ABCA12: variants seen among roughly 807,000 people sequenced by gnomAD.
ABCA12 encodes the protein glucosylceramide transporter ABCA12.
In ABCA12, 156 loss-of-function variants were observed where a neutral mutation model predicts 293.5. The observed-to-expected ratio is 0.53, with a 90% CI of 0.47 to 0.61. ABCA12 has a LOEUF of 0.61. ABCA12 is among the 20% of genes least tolerant of loss of function. ABCA12 has a pLI of 0.00. For synonymous variants in ABCA12, 1,063 were observed against 1,108.0 expected (o/e 0.96, Z 0.81); for missense variants, 2,797 against 3,090.2 (o/e 0.91, Z 2.25).
At chr2:214,939,723 G>A (rs1698334923) in intron 50 of ABCA12, among the ~76,000 whole-genome samples, 1 of 152,086 alleles carries the variant, frequency 6.6e-6, no homozygotes, top group East Asian at 1.9e-4. Flanking sequence ...TCTCTTTGTA[G>A]CAATTGTGAA....
At chr2:215,066,990 T>C (rs190587842) in intron 2 of ABCA12, among the ~76,000 whole-genome samples, 29 of 152,288 alleles carry the variant, frequency 1.9e-4, no homozygotes, top group Non-Finnish European at 3.7e-4. Context: ...CTCATATACA[T>C]GAACTTTAAA....
At chr2:214,993,852 G>A (rs1831025) in intron 23 of ABCA12, among the ~76,000 whole-genome samples, 152,187 of 152,308 alleles carry the variant, frequency 1, 76,034 homozygotes, top group Middle Eastern at 1. Flanking sequence ...TCATTCATAG[G>A]CTTGTTAAAA....
At chr2:214,963,457 T>TG (rs1236185752) in intron 39 of ABCA12, among the ~76,000 whole-genome samples, 1 of 151,828 alleles carries the variant, frequency 6.6e-6, no homozygotes, top group African/African-American at 2.4e-5. Context: ...CAGGACCAGA[T>TG]GGATTCACAG....
At chr2:215,022,576 T>A (rs531680739) in intron 11 of ABCA12, 1 of 152,218 alleles carries the variant, frequency 6.6e-6, no homozygotes, top group Non-Finnish European at 1.5e-5. Flanking sequence ...GATTGCAGAT[T>A]TGCCAAAGCT....
chr2:215,001,157 A>G, intron 21 of ABCA12, 137 bp from the exon 22 acceptor site: 1 of 868,038 alleles, frequency 1.2e-6, no homozygotes, highest in Non-Finnish European at 1.8e-6. Flanking sequence ...TTCTTAATTT[A>G]CAGAAAACAT....
At chr2:215,067,935 A>C (rs907220754) in intron 2 of ABCA12, among the ~76,000 whole-genome samples, 4 of 152,206 alleles carry the variant, frequency 2.6e-5, no homozygotes, top group Non-Finnish European at 4.4e-5. Flanking sequence ...TTACAAAAAG[A>C]ATCAGTTCTA....
chr2:214,984,223 A>T lies in ABCA12; in HGVS notation c.4164-358T>A, dbSNP rs183812003. On this transcript the variant is annotated intron_variant, in intron 28 of 52. Transcript: ENST00000272895. ...ACCATTCTCCTGCCTCAGCCTCCCG[A>T]GTAGCTGGGACTACAGGCATGTGCC... Among the ~76,000 whole-genome samples, 414 of 149,930 alleles carry T rather than the reference A, an allele frequency of 2.8e-3. 1 individual carries two copies. Among genetic ancestry groups the T allele is most frequent in the Non-Finnish European group, 4.7e-3 (318 of 67,848 alleles).
At position 214,986,416 on chromosome 2, in the gene ABCA12, C is replaced by A. The variant is rs1699787713; in HGVS notation, c.4163+126G>T. The A allele has an allele frequency of 5.1e-6, 5 of 984,334 alleles. No homozygotes were observed. The South Asian group carries it at 7.2e-5, about 14-fold the overall frequency. The allele number at this position is 984,334 out of a possible 1,614,324, so 61.0% of individuals were successfully genotyped here. A position where few individuals can be genotyped will look rare whatever the true frequency, so the allele number is the denominator to read the frequency against. The stretch of plus-strand genomic sequence containing the variant: ...TCCATTCTATAGCATACAAGTTGAA[C>A]CATCTTCCTCCATCTGGGAAATGTA... On this transcript the variant is annotated intron_variant, in intron 28 of 52. Coordinates refer to ENST00000272895, the MANE Select transcript of ABCA12 (RefSeq NM_173076.3).
chr2:215,005,072 A>G (rs1700223994), intron 19 of ABCA12, among the ~76,000 whole-genome samples: 1 of 152,194 alleles, frequency 6.6e-6, no homozygotes, highest in Non-Finnish European at 1.5e-5. Flanking sequence ...AGCTTTTATA[A>G]TACCATGTGC....
At chr2:214,953,250 G>A (rs2105930529) in intron 44 of ABCA12, among the ~76,000 whole-genome samples, 1 of 152,188 alleles carries the variant, frequency 6.6e-6, no homozygotes, top group African/African-American at 2.4e-5. Context: ...AATTAAACTA[G>A]TCCCTAAATG....
At chr2:215,062,360 T>C (rs533998146) in intron 3 of ABCA12, among the ~76,000 whole-genome samples, 76 of 152,104 alleles carry the variant, frequency 5.0e-4, no homozygotes, top group African/African-American at 1.8e-3. Context: ...CTGGCAGTGG[T>C]CTTCTTACAG....
At chr2:215,090,612 C>T (rs1286235423) in intron 2 of ABCA12, among the ~76,000 whole-genome samples, 2 of 152,250 alleles carry the variant, frequency 1.3e-5, no homozygotes, top group Non-Finnish European at 2.9e-5. Flanking sequence ...CTCGAGAAGA[C>T]AGTCTTCCCT....
rs1698663556 is a variant in ABCA12 at position 214,948,881 on chromosome 2, C to CATATTTAA, written c.6963-145_6963-144insTTAAATAT. 5.7e-6 allele frequency: 7 copies of CATATTTAA among 1,227,100 alleles called. No homozygotes were observed. In the South Asian group the frequency reaches 9.0e-5, roughly 16 times the overall value. The allele number at this position is 1,227,100 out of a possible 1,614,324, so 76.0% of individuals were successfully genotyped here. A position where few individuals can be genotyped will look rare whatever the true frequency, so the allele number is the denominator to read the frequency against. ...GATAAAATAATCCCACTATCAAATTCACATTTAAACATTTAAACATTTCCA... is the reference window on the plus strand; with the variant it reads ...GATAAAATAATCCCACTATCAAATTCATATTTAAACATTTAAACATTTAAACATTTCCA... On this transcript the variant is annotated intron_variant, in intron 46 of 52. Coordinates refer to ENST00000272895, the MANE Select transcript of ABCA12 (RefSeq NM_173076.3).
In ABCA12 at chr2:215,134,646, CAGAG is replaced by C. The variant is rs71399174; in HGVS notation, c.69+3490_69+3493del. ...AGAGAGAGAGAGAGAGAGAGACAAA[CAGAG>C]AGAGAGAGAGAGAGAGAGACAGGGT... On this transcript the variant is annotated intron_variant, in intron 1 of 52. Transcript: ENST00000272895. Among the ~76,000 whole-genome samples the C allele has an allele frequency of 5.1e-4, 48 of 93,266 alleles. 2 individuals are homozygous for C. Among genetic ancestry groups the C allele is most frequent in the Non-Finnish European group, 6.7e-4 (31 of 46,534 alleles). 61.2% of individuals were successfully genotyped at this position (93,266 alleles called of 152,430 possible). A position where few individuals can be genotyped will look rare whatever the true frequency, so the allele number is the denominator to read the frequency against.
chr2:214,980,377 T>C, intron 31 of ABCA12, 106 bp downstream of exon 31: 1 of 1,450,144 alleles, frequency 6.9e-7, no homozygotes, highest in Admixed American at 1.9e-5. Context: ...TAAGCTAGTA[T>C]ACTAATGAAT....
chr2:214,952,684 C>T (rs1698817051), intron 44 of ABCA12, among the ~76,000 whole-genome samples: 1 of 152,168 alleles, frequency 6.6e-6, no homozygotes, highest in Non-Finnish European at 1.5e-5. Flanking sequence ...GATCATGTTT[C>T]TCTCTGTTCA....
intron 1 of ABCA12, among the ~76,000 whole-genome samples, chr2:215,123,909 T>C (rs59289031): frequency 0.082 from 12,497 of 152,140 alleles, 1,189 homozygotes; most frequent in African/African-American, 0.23. Context: ...TACTCTTCTA[T>C]CCCTCGCCCC....
Position 215,138,559 on chromosome 2 carries a change from G to GA in ABCA12, c.-352dup, listed in dbSNP as rs545807074. ...AGCATCATTCAGATAATGCCTCACTGAAAAAAAAAAAAAAGCAGCAGCTGA... is the reference window on the plus strand; with the variant it reads ...AGCATCATTCAGATAATGCCTCACTGAAAAAAAAAAAAAAAGCAGCAGCTGA... On this transcript the variant is annotated 5_prime_UTR_variant, in exon 1 of 53. The change creates a premature stop within an existing upstream ORF in the 5' untranslated region. Coordinates refer to ENST00000272895, the MANE Select transcript of ABCA12 (RefSeq NM_173076.3). 5,301 of 226,054 alleles carry GA rather than the reference G, an allele frequency of 0.023. 34 individuals carry two copies. The highest frequency in any genetic ancestry group is 0.039 in the African/African-American group (1,545 of 40,124). 14.0% of individuals were successfully genotyped at this position (226,054 alleles called of 1,614,324 possible).
intron 8 of ABCA12, chr2:215,035,865 T>C (rs1275297240): frequency 6.6e-6 from 1 of 152,080 alleles, no homozygotes; most frequent in African/African-American, 2.4e-5. Context: ...TTTAAAAATG[T>C]AACTTTATTA....
Sources: allele counts gnomAD v4.1 joint callset (sites outside exome capture counted in the v4.1 genomes callset), GRCh38; gene constraint gnomAD v4.1.1; transcripts MANE v1.5; gene names NCBI Gene and HGNC (gene_info 2026-07-23, HGNC 2026-07-21).